Variants in CLSTN2 observed in about 807,000 individuals in gnomAD.
The protein encoded by CLSTN2 is calsyntenin-2.
Under a neutral mutation model 101.2 loss-of-function variants are expected in CLSTN2, and 48 were observed. The ratio of observed to expected loss-of-function variants is 0.47; its 90% CI spans 0.38 to 0.60. The LOEUF (loss-of-function observed/expected upper bound fraction) is 0.60. Among genes scored for constraint, CLSTN2 ranks in the 20% least tolerant of loss-of-function variants. The pLI is 0.00. For missense variants in CLSTN2, 1,160 were observed against 1,238.2 expected (o/e 0.94, Z 0.95); for synonymous variants, 481 against 463.6 (o/e 1.04, Z -0.48).
intron 8 of CLSTN2, among the ~76,000 whole-genome samples, chr3:140,516,265 G>C (rs191834191): frequency 6.6e-6 from 1 of 152,136 alleles, no homozygotes; most frequent in Non-Finnish European, 1.5e-5. Flanking sequence ...CAGCTACTTG[G>C]TTGGTGAATT....
Position 139,976,754 on chromosome 3 carries a change from T to C in CLSTN2, c.109+41271T>C, listed in dbSNP as rs554990085. Reference sequence around the variant, plus strand: ...CTCCAAGCCTCCTCTCCCACACCTGTAATATGAGGGTGTGAAACACGCTGA... The same window carrying C: ...CTCCAAGCCTCCTCTCCCACACCTGCAATATGAGGGTGTGAAACACGCTGA... On this transcript the variant is annotated intron_variant, in intron 1 of 16. Transcript: ENST00000458420. Among the ~76,000 whole-genome samples the C allele has an allele frequency of 2.0e-5, 3 of 152,222 alleles. No individual in the cohort carries two copies. The South Asian group carries it at 6.2e-4, about 32-fold the overall frequency.
In CLSTN2 at chr3:140,241,064, G is replaced by A. The variant is rs755884015; in HGVS notation, c.232+64991G>A. Reference sequence around the variant, plus strand: ...AATGCATGAAGTCAGCTTAGAAATCGTGACTTGTAGTTATGGTTCTATGCT... The same window carrying A: ...AATGCATGAAGTCAGCTTAGAAATCATGACTTGTAGTTATGGTTCTATGCT... On this transcript the variant is annotated intron_variant, in intron 2 of 16. Coordinates refer to ENST00000458420, the MANE Select transcript of CLSTN2 (RefSeq NM_022131.3). Among the ~76,000 whole-genome samples the A allele has an allele frequency of 6.1e-4, 93 of 152,240 alleles. 1 individual carries two copies. The highest frequency in any genetic ancestry group is 9.6e-4 in the Non-Finnish European group (65 of 68,024).
intron 1 of CLSTN2, among the ~76,000 whole-genome samples, chr3:140,031,134 A>G (rs1039907288): frequency 9.2e-5 from 14 of 152,286 alleles, no homozygotes; most frequent in African/African-American, 2.9e-4. Context: ...AATAAATCCA[A>G]TTAGAAAACT....
intron 2 of CLSTN2, among the ~76,000 whole-genome samples, chr3:140,273,098 G>A (rs191567704): frequency 6.6e-6 from 1 of 152,170 alleles, no homozygotes; most frequent in East Asian, 1.9e-4. Context: ...CTTTACCTTT[G>A]AAGTCAGACT....
intron 1 of CLSTN2, among the ~76,000 whole-genome samples, chr3:140,115,544 A>G (rs1234375386): frequency 6.6e-6 from 1 of 152,174 alleles, no homozygotes; most frequent in Admixed American, 6.5e-5. Context: ...TTCTCTGTAA[A>G]GGGCAGGGAG....
chr3:140,262,323 C>T (rs1392550372), intron 2 of CLSTN2, among the ~76,000 whole-genome samples: 1 of 152,186 alleles, frequency 6.6e-6, no homozygotes, highest in African/African-American at 2.4e-5. Context: ...GGATGCCAGT[C>T]AGCATGGCTT....
intron 2 of CLSTN2, among the ~76,000 whole-genome samples, chr3:140,351,146 A>G (rs1576527683): frequency 6.6e-6 from 1 of 152,198 alleles, no homozygotes; most frequent in Non-Finnish European, 1.5e-5. Context: ...AGTGTGATTT[A>G]AAGTGGATGC....
chr3:140,264,375 A>AATATATATATATATAT (rs61248635), intron 2 of CLSTN2, among the ~76,000 whole-genome samples: 4 of 98,550 alleles, frequency 4.1e-5, no homozygotes, highest in Non-Finnish European at 6.0e-5. Context: ...TAATGAATCA[A>AATATATATATATATAT]ATATATATAT....
At chr3:140,321,548 G>A (rs962284719) in intron 2 of CLSTN2, among the ~76,000 whole-genome samples, 2 of 152,152 alleles carry the variant, frequency 1.3e-5, no homozygotes, top group African/African-American at 2.4e-5. Context: ...GACCCTCCAA[G>A]CTAATAATGT....
intron 1 of CLSTN2, among the ~76,000 whole-genome samples, chr3:140,173,304 G>A (rs550308558): frequency 6.6e-6 from 1 of 152,318 alleles, no homozygotes; most frequent in South Asian, 2.1e-4. Flanking sequence ...TTGACTCCAT[G>A]TCTCATATCC....
At chr3:140,491,325 G>A (rs1007412244) in intron 8 of CLSTN2, among the ~76,000 whole-genome samples, 1 of 152,120 alleles carries the variant, frequency 6.6e-6, no homozygotes, top group African/African-American at 2.4e-5. Context: ...TAGCTAACAT[G>A]TAATGAGCAC....
chr3:140,173,796 G>A (rs987715663), intron 1 of CLSTN2, among the ~76,000 whole-genome samples: 3 of 152,134 alleles, frequency 2.0e-5, no homozygotes, highest in Admixed American at 2.0e-4. Flanking sequence ...GCCCCTTTCA[G>A]CCATGGCTGG....
At chr3:140,075,362 T>C (rs1463415631) in intron 1 of CLSTN2, among the ~76,000 whole-genome samples, 1 of 152,218 alleles carries the variant, frequency 6.6e-6, no homozygotes, top group Non-Finnish European at 1.5e-5. Context: ...TATATACATA[T>C]CTCATAGAAC....
chr3:140,178,200 G>T (rs1429562493), intron 2 of CLSTN2, among the ~76,000 whole-genome samples: 1 of 151,950 alleles, frequency 6.6e-6, no homozygotes, highest in African/African-American at 2.4e-5. Context: ...CTGTTCTACA[G>T]TAAAGTTATA....
intron 2 of CLSTN2, among the ~76,000 whole-genome samples, chr3:140,286,545 C>T (rs7651927): frequency 0.013 from 2,045 of 152,276 alleles, 26 homozygotes; most frequent in Middle Eastern, 0.027. Context: ...TATTCTTTTG[C>T]CGCCCTCTAT....
chr3:140,071,659 A>G (rs747317001), intron 1 of CLSTN2, among the ~76,000 whole-genome samples: 2 of 151,918 alleles, frequency 1.3e-5, no homozygotes, highest in Non-Finnish European at 2.9e-5. Flanking sequence ...GTGAAACCCC[A>G]TCTCTACTAA....
intron 2 of CLSTN2, among the ~76,000 whole-genome samples, chr3:140,365,124 T>A (rs932085397): frequency 6.6e-6 from 1 of 151,982 alleles, no homozygotes; most frequent in African/African-American, 2.4e-5. Context: ...AAAGGGAGCA[T>A]CCCAAACGGA....
At chr3:140,443,669 T>C (rs1933008762) in intron 5 of CLSTN2, among the ~76,000 whole-genome samples, 1 of 152,188 alleles carries the variant, frequency 6.6e-6, no homozygotes, top group Non-Finnish European at 1.5e-5. Flanking sequence ...CCTTATAAAC[T>C]GAAAAGATTT....
intron 1 of CLSTN2, among the ~76,000 whole-genome samples, chr3:139,995,517 C>A (rs892078128): frequency 6.6e-6 from 1 of 152,128 alleles, no homozygotes; most frequent in Non-Finnish European, 1.5e-5. Flanking sequence ...CCCTTGAATT[C>A]TTCATCTCTG....
Sources: gnomAD v4.1 joint callset for allele counts (sites outside exome capture counted in the v4.1 genomes callset) on GRCh38, gnomAD v4.1.1 for gene constraint, MANE v1.5 for transcripts, NCBI Gene and HGNC (gene_info 2026-07-23, HGNC 2026-07-21) for gene names.